Variants in MYO3B observed in about 807,000 individuals in gnomAD.
MYO3B encodes the protein myosin IIIB, also known as myosin-IIIb.
Under a neutral mutation model 174.6 loss-of-function variants are expected in MYO3B, and 156 were observed. The observed-to-expected ratio is 0.89, with a 90% CI of 0.78 to 1.02. MYO3B has a LOEUF of 1.02. MYO3B is among the 50% of genes least tolerant of loss of function. The pLI is 0.00. For synonymous variants in MYO3B, 563 were observed against 569.1 expected, an observed-to-expected ratio of 0.99 and a Z score of 0.15; for missense variants, 1,632 against 1,639.4, an observed-to-expected ratio of 1.00 and a Z score of 0.08.
At chr2:170,558,630 T>C (rs1339213183) in intron 32 of MYO3B, among the ~76,000 whole-genome samples, 1 of 152,246 alleles carries the variant, frequency 6.6e-6, no homozygotes, top group Non-Finnish European at 1.5e-5. Context: ...TTCGTTACTG[T>C]ATAGTATCCC....
chr2:170,453,916 C>G (rs1207597032), intron 23 of MYO3B, among the ~76,000 whole-genome samples: 2 of 152,216 alleles, frequency 1.3e-5, no homozygotes, highest in Non-Finnish European at 2.9e-5. Context: ...AATGAGTGGT[C>G]TCTGGGCAAG....
chr2:170,449,885 G>A (rs1683489098), intron 23 of MYO3B, among the ~76,000 whole-genome samples: 1 of 152,040 alleles, frequency 6.6e-6, no homozygotes, highest in Admixed American at 6.6e-5. Context: ...AGTTTGTTTT[G>A]TTTCCTCTAT....
At chr2:170,457,780 A>C (rs1683992621) in intron 23 of MYO3B, among the ~76,000 whole-genome samples, 2 of 152,152 alleles carry the variant, frequency 1.3e-5, no homozygotes, top group African/African-American at 4.8e-5. Flanking sequence ...TTTGAGACAG[A>C]GTTTCGCTGT....
intron 22 of MYO3B, among the ~76,000 whole-genome samples, chr2:170,435,067 C>T (rs1237439771): frequency 1.3e-5 from 2 of 152,254 alleles, no homozygotes; most frequent in African/African-American, 4.8e-5. Flanking sequence ...ATGTTAATTA[C>T]TGCAAGTATT....
At chr2:170,489,428 G>A (rs1686289343) in intron 25 of MYO3B, among the ~76,000 whole-genome samples, 1 of 152,146 alleles carries the variant, frequency 6.6e-6, no homozygotes, top group South Asian at 2.1e-4. Flanking sequence ...CCAAATCTGT[G>A]GGGAACTTGG....
intron 7 of MYO3B, among the ~76,000 whole-genome samples, chr2:170,268,413 A>C (rs558067415): frequency 6.6e-6 from 1 of 152,224 alleles, no homozygotes; most frequent in Non-Finnish European, 1.5e-5. Flanking sequence ...AGAGAATCCA[A>C]TTGTAAAATC....
chr2:170,558,800 A>G (rs1446309221), intron 32 of MYO3B, among the ~76,000 whole-genome samples: 2 of 152,152 alleles, frequency 1.3e-5, no homozygotes, highest in African/African-American at 4.8e-5. Flanking sequence ...TCAAACTTAA[A>G]TTTACATCCC....
rs146188434 is a variant in MYO3B, at chr2:170,558,173, C to T, written c.3733+14185C>T. On this transcript the variant is annotated intron_variant, in intron 32 of 34. Transcript: ENST00000408978. ...AAAATTAGCCGAGCATGGTGGCGGG[C>T]GCCTGTGGTCCCAGCTACTCAGGAG... Among the ~76,000 whole-genome samples, 311 of 151,970 alleles carry T rather than the reference C, an allele frequency of 2.0e-3. 1 individual carries two copies. The highest frequency in any genetic ancestry group is 7.1e-3 in the African/African-American group (293 of 41,454).
In MYO3B at chr2:170,336,219, A is replaced by G. The variant is rs762523393; in HGVS notation, c.815+769A>G. Among the ~76,000 whole-genome samples, 49 of 151,672 alleles carry G rather than the reference A, an allele frequency of 3.2e-4. 2 individuals carry two copies. Among genetic ancestry groups the G allele is most frequent in the Admixed American group, 2.4e-3 (36 of 15,150 alleles). On this transcript the variant is annotated intron_variant, in intron 8 of 34. Transcript: ENST00000408978. ...GAATCTAGACCAGGCATTACCAACC[A>G]TACCAAGGCAGAGGAGCTTGGAAGA...
At chr2:170,595,164 T>C (rs902247094) in intron 32 of MYO3B, among the ~76,000 whole-genome samples, 25 of 152,050 alleles carry the variant, frequency 1.6e-4, no homozygotes, top group Admixed American at 1.6e-3. Flanking sequence ...ACGGTAACCA[T>C]CGTTTTGCAG....
chr2:170,366,900 A>C (rs1279951644), intron 8 of MYO3B, among the ~76,000 whole-genome samples: 1 of 152,124 alleles, frequency 6.6e-6, no homozygotes, highest in Non-Finnish European at 1.5e-5. Context: ...GGCTGGATGG[A>C]GTATGGGTTT....
At chr2:170,281,544 T>C (rs1244960218) in intron 7 of MYO3B, among the ~76,000 whole-genome samples, 1 of 152,154 alleles carries the variant, frequency 6.6e-6, no homozygotes, top group Non-Finnish European at 1.5e-5. Context: ...TTTTTGAAAC[T>C]ACTGAGAACA....
At chr2:170,467,140 G>A (rs574371033) in intron 25 of MYO3B, among the ~76,000 whole-genome samples, 96 of 152,124 alleles carry the variant, frequency 6.3e-4, no homozygotes, top group Non-Finnish European at 1.1e-3. Context: ...GACATTTTAG[G>A]GCACTATTCT....
chr2:170,213,461 A>C (rs925274627), intron 3 of MYO3B, among the ~76,000 whole-genome samples: 2 of 152,138 alleles, frequency 1.3e-5, no homozygotes, highest in Non-Finnish European at 2.9e-5. Flanking sequence ...AATATCTGGA[A>C]TCTATAGATA....
At chr2:170,444,686 A>G (rs1295162001) in intron 23 of MYO3B, among the ~76,000 whole-genome samples, 1 of 152,248 alleles carries the variant, frequency 6.6e-6, no homozygotes. Context: ...GTTGAATAGT[A>G]TTCCAAAATT....
chr2:170,439,480 T>C (rs1460020221), intron 22 of MYO3B, among the ~76,000 whole-genome samples: 4 of 152,314 alleles, frequency 2.6e-5, no homozygotes, highest in African/African-American at 7.2e-5. Flanking sequence ...CTATATAGTT[T>C]GAAAAAAGTT....
chr2:170,652,046 T>G (rs201037920), intron 33 of MYO3B, 62 bp from the exon 34 acceptor site: 5 of 1,542,364 alleles, frequency 3.2e-6, no homozygotes, highest in Non-Finnish European at 4.4e-6. Context: ...AAAATCACTT[T>G]GAATTAAAAA....
intron 22 of MYO3B, among the ~76,000 whole-genome samples, chr2:170,422,543 C>G (rs1158577841): frequency 6.6e-6 from 1 of 151,428 alleles, no homozygotes; most frequent in Non-Finnish European, 1.5e-5. Flanking sequence ...ACTGCAGCCT[C>G]TGCCTCACAG....
chr2:170,322,781 G>C (rs546260342), intron 7 of MYO3B, among the ~76,000 whole-genome samples: 1 of 152,098 alleles, frequency 6.6e-6, no homozygotes, highest in East Asian at 1.9e-4. Context: ...GCATGCACAT[G>C]GTCTCTGGTG....
Sources: allele counts gnomAD v4.1 joint callset (sites outside exome capture counted in the v4.1 genomes callset), GRCh38; gene constraint gnomAD v4.1.1; transcripts MANE v1.5; gene names NCBI Gene and HGNC (gene_info 2026-07-23, HGNC 2026-07-21).